Variants in SLIT3 observed in about 807,000 individuals in gnomAD.
SLIT3 encodes the protein slit homolog 3 protein.
In SLIT3, 68 loss-of-function variants were observed where a neutral mutation model predicts 184.0. The ratio of observed to expected loss-of-function variants is 0.37; its 90% confidence interval spans 0.30 to 0.45. The LOEUF is 0.45. Among genes scored for constraint, SLIT3 ranks in the 20% least tolerant of loss-of-function variants. SLIT3 has a pLI of 1.00. For synonymous variants in SLIT3, 831 were observed against 828.6 expected (o/e 1.00, Z -0.05); for missense variants, 1,707 against 2,026.0 (o/e 0.84, Z 3.02).
At chr5:169,117,276 G>A (rs923820251) in intron 4 of SLIT3, among the ~76,000 whole-genome samples, 16 of 152,144 alleles carry the variant, frequency 1.1e-4, no homozygotes, top group Admixed American at 2.6e-4. Context: ...TAAAAAGCAC[G>A]GCTCCATGCC....
chr5:168,783,678 T>C (rs1265958858), intron 12 of SLIT3, among the ~76,000 whole-genome samples: 1 of 152,172 alleles, frequency 6.6e-6, no homozygotes, highest in Non-Finnish European at 1.5e-5. Flanking sequence ...TTCTTATCAG[T>C]GTCTCCAGTC....
intron 4 of SLIT3, among the ~76,000 whole-genome samples, chr5:169,149,428 C>T (rs1167161814): frequency 6.7e-6 from 1 of 150,222 alleles, no homozygotes; most frequent in African/African-American, 2.5e-5. Flanking sequence ...CAGTCTGGCT[C>T]TTCACCTCTG....
At chr5:169,045,222 G>A (rs1291785093) in intron 4 of SLIT3, among the ~76,000 whole-genome samples, 1 of 152,132 alleles carries the variant, frequency 6.6e-6, no homozygotes, top group Non-Finnish European at 1.5e-5. Flanking sequence ...TGGGGGTTGG[G>A]AGGGGTGACT....
rs573390379 is a variant in SLIT3 at position 168,973,704 on chromosome 5, G to T, written c.414-90368C>A. ...ACAGTTTTCATTACTTCAAAAAGAA[G>T]CCCCATATCCCTTAGCCACAAACTC... On this transcript the variant is annotated intron_variant, in intron 4 of 35. Coordinates refer to ENST00000519560, the MANE Select transcript of SLIT3 (RefSeq NM_003062.4). Among the ~76,000 whole-genome samples the T allele has an allele frequency of 2.0e-5, 3 of 152,194 alleles. No individual in the cohort carries two copies. The South Asian group carries it at 6.2e-4, about 32-fold the overall frequency.
At chr5:168,803,901 G>T (rs1252084482) in intron 9 of SLIT3, among the ~76,000 whole-genome samples, 1 of 151,974 alleles carries the variant, frequency 6.6e-6, no homozygotes, top group Non-Finnish European at 1.5e-5. Context: ...GGGAAGGGAA[G>T]TGAAGGTTAA....
chr5:169,277,243 T>C (rs1382576679), intron 1 of SLIT3, among the ~76,000 whole-genome samples: 1 of 152,182 alleles, frequency 6.6e-6, no homozygotes, highest in Non-Finnish European at 1.5e-5. Context: ...TCTTTTCTTC[T>C]TTTTTGAGAC....
At chr5:168,774,663 G>A (rs1157280523) in intron 12 of SLIT3, among the ~76,000 whole-genome samples, 1 of 152,130 alleles carries the variant, frequency 6.6e-6, no homozygotes, top group Non-Finnish European at 1.5e-5. Context: ...GACCTGAAAA[G>A]GCACCCTAAG....
intron 4 of SLIT3, among the ~76,000 whole-genome samples, chr5:169,173,475 T>G (rs529164935): frequency 6.6e-6 from 1 of 152,280 alleles, no homozygotes; most frequent in South Asian, 2.1e-4. Context: ...GTCCTATAGT[T>G]CTGCCAAGCT....
At position 168,666,333 on chromosome 5, in the gene SLIT3, T is replaced by C. The variant is rs1340915137; in HGVS notation, c.*121A>G. On this transcript the variant is annotated 3_prime_UTR_variant, in exon 36 of 36. Transcript: ENST00000519560. ...ATTTTACAATATACTTAATATTCTC[T>C]TCTTCTTTACCTTCCTCTCCAGCTT... 2 of 947,690 alleles carry C rather than the reference T, an allele frequency of 2.1e-6. No individual in the cohort carries two copies. Among genetic ancestry groups the C allele is most frequent in the South Asian group, 4.6e-5 (2 of 43,668 alleles). 58.7% of individuals were successfully genotyped at this position (947,690 alleles called of 1,614,324 possible).
At chr5:168,759,243 G>A (rs67419929) in intron 16 of SLIT3, among the ~76,000 whole-genome samples, 9,730 of 152,232 alleles carry the variant, frequency 0.064, 457 homozygotes, top group Non-Finnish European at 0.097. Context: ...ATTGCTCTTA[G>A]GGAAATACAA....
intron 4 of SLIT3, among the ~76,000 whole-genome samples, chr5:168,957,637 A>C (rs752333426): frequency 1.2e-4 from 19 of 152,306 alleles, no homozygotes; most frequent in African/African-American, 3.4e-4. Flanking sequence ...TGTGTCTCAG[A>C]ATCACTTGTG....
chr5:169,296,049 C>T (rs1381044397), intron 1 of SLIT3, among the ~76,000 whole-genome samples: 1 of 152,182 alleles, frequency 6.6e-6, no homozygotes, highest in Admixed American at 6.5e-5. Flanking sequence ...TCCTTGGTAA[C>T]TCTAGTAAGG....
At chr5:168,783,827 C>T (rs554812948) in intron 12 of SLIT3, among the ~76,000 whole-genome samples, 1 of 152,242 alleles carries the variant, frequency 6.6e-6, no homozygotes, top group African/African-American at 2.4e-5. Flanking sequence ...TCTGGTAAGG[C>T]CTGCCTGAGT....
intron 4 of SLIT3, among the ~76,000 whole-genome samples, chr5:169,130,925 T>C (rs1239720329): frequency 6.6e-6 from 1 of 152,104 alleles, no homozygotes; most frequent in African/African-American, 2.4e-5. Flanking sequence ...ATATACAAAA[T>C]GTTGCAATAT....
rs780608791 is a variant in SLIT3, at chr5:168,722,331, T to C, written c.2412-4A>G. 8.1e-6 allele frequency: 13 copies of C among 1,613,862 alleles called. No individual in the cohort carries two copies. The highest frequency in any genetic ancestry group is 7.6e-6 in the Non-Finnish European group (9 of 1,179,920). On this transcript the variant is annotated splice_region_variant and splice_polypyrimidine_tract_variant and intron_variant, in intron 22 of 35. Transcript: ENST00000519560. ...CAGCCGGTTGTAGCTCAGGATCCTG[T>C]GGAAAAGGAGGCATGTGCCCTGTTG...
chr5:168,957,279 T>G (rs888525315), intron 4 of SLIT3, among the ~76,000 whole-genome samples: 3 of 148,302 alleles, frequency 2.0e-5, no homozygotes, highest in Non-Finnish European at 3.0e-5. Flanking sequence ...TTGGCCAGGG[T>G]GGTCTTGAAC....
intron 4 of SLIT3, among the ~76,000 whole-genome samples, chr5:169,074,943 C>G (rs774502144): frequency 6.6e-6 from 1 of 152,098 alleles, no homozygotes; most frequent in East Asian, 1.9e-4. Flanking sequence ...GGAAATGTCA[C>G]CGCTGACCTC....
intron 2 of SLIT3, among the ~76,000 whole-genome samples, chr5:169,245,942 C>T (rs978177923): frequency 2.6e-5 from 4 of 152,272 alleles, no homozygotes; most frequent in African/African-American, 9.6e-5. Flanking sequence ...AACACAGTTG[C>T]CTAGCACAGC....
intron 12 of SLIT3, among the ~76,000 whole-genome samples, chr5:168,778,236 C>A (rs986817815): frequency 2.6e-5 from 4 of 152,206 alleles, no homozygotes; most frequent in Admixed American, 2.0e-4. Context: ...CCCACAACAG[C>A]ACTATGATTA....
Sources: allele counts gnomAD v4.1 joint callset (sites outside exome capture counted in the v4.1 genomes callset), GRCh38; gene constraint gnomAD v4.1.1; transcripts MANE v1.5; gene names NCBI Gene and HGNC (gene_info 2026-07-23, HGNC 2026-07-21).